The following GSE1 variants were observed in gnomAD, a reference collection of about 807,000 sequenced individuals.
The protein encoded by GSE1 is Gse1 coiled-coil protein.
GSE1 carries 32 observed loss-of-function variants against 112.6 expected under a neutral mutation model. That is an observed-to-expected ratio of 0.28 (90% CI 0.21 to 0.38). The LOEUF is 0.38. Among genes scored for constraint, GSE1 ranks in the 10% least tolerant of loss-of-function variants. The probability of loss-of-function intolerance (pLI) is 1.00; values close to 1 mark genes in which losing one functional copy is unlikely to be tolerated. For synonymous variants in GSE1, 1,115 were observed against 735.6 expected, an observed-to-expected ratio of 1.52 and a Z score of -8.35; for missense variants, 2,348 against 1,699.2, an observed-to-expected ratio of 1.38 and a Z score of -6.71.
In GSE1 at chr16:85,304,605, G is replaced by GC. The variant is rs1555557441; in HGVS notation, c.2284-52858_2284-52857insC. Among the ~76,000 whole-genome samples, 13 of 130,058 alleles carry GC rather than the reference G, an allele frequency of 1.0e-4. 1 individual carries two copies. The highest frequency in any genetic ancestry group is 2.1e-4 in the African/African-American group (7 of 32,748). 85.3% of individuals were successfully genotyped at this position (130,058 alleles called of 152,430 possible). A position where few individuals can be genotyped will look rare whatever the true frequency, so the allele number is the denominator to read the frequency against. On this transcript the variant is annotated intron_variant, in intron 1 of 2. Coordinates refer to the GSE1 transcript ENST00000637419. ...TGGCAGCTGCCAAGCCGGGGGCGGG[G>GC]GGGTGGGGCATCCCTTTTGCCTTGA... is the stretch of plus-strand genomic sequence containing the variant.
At chr16:85,185,368 C>T (rs1020576097) in intron 1 of GSE1, 1 of 152,316 alleles carries the variant, frequency 6.6e-6, no homozygotes, top group African/African-American at 2.4e-5. Flanking sequence ...GAGAGATGCT[C>T]CTTCCCAGTG....
Position 85,668,183 on chromosome 16 carries a change from C to T in GSE1, c.3174C>T (p.Asp1058=). The change falls in exon 14 of 16, where the codon GAC becomes GAT. Residue 1058 remains aspartate, a synonymous_variant. Transcript: ENST00000253458. ...CTGCAGAGCAGAACCACAAGGTTGACACGTCCGTCCACTACAACATTCCTG... is the reference window on the plus strand; with the variant it reads ...CTGCAGAGCAGAACCACAAGGTTGATACGTCCGTCCACTACAACATTCCTG... ...VLSAEQNHKV[D]TSVHYNIPEL... 2 of 1,606,390 alleles carry T rather than the reference C, an allele frequency of 1.2e-6. No homozygotes were observed. Among genetic ancestry groups the T allele is most frequent in the Non-Finnish European group, 1.7e-6 (2 of 1,174,240 alleles).
intron 1 of GSE1, among the ~76,000 whole-genome samples, chr16:85,236,349 C>T (rs1299316349): frequency 4.6e-5 from 7 of 152,224 alleles, no homozygotes; most frequent in Non-Finnish European, 8.8e-5. Flanking sequence ...TGGTCAAGTC[C>T]ACAGAGCTTC....
intron 1 of GSE1, among the ~76,000 whole-genome samples, chr16:85,206,820 A>AGGATGGAGGT (rs2075125479): frequency 6.9e-6 from 1 of 144,630 alleles, no homozygotes; most frequent in Non-Finnish European, 1.5e-5. Context: ...GCCCCCCGCC[A>AGGATGGAGGT]GCCCAGCTTC....
intron 2 of GSE1, among the ~76,000 whole-genome samples, chr16:85,370,065 G>T (rs1303450355): frequency 6.6e-6 from 1 of 152,160 alleles, no homozygotes; most frequent in African/African-American, 2.4e-5. Context: ...GGTGGTCCCT[G>T]CGCCACCCTT....
chr16:85,433,550 A>T (rs182603070), intron 2 of GSE1, among the ~76,000 whole-genome samples: 2 of 152,030 alleles, frequency 1.3e-5, no homozygotes, highest in African/African-American at 2.4e-5. Flanking sequence ...CTCTGACCAG[A>T]TGAAGGCTGT....
intron 1 of GSE1, among the ~76,000 whole-genome samples, chr16:85,600,243 T>C (rs73271216): frequency 0.042 from 6,378 of 152,160 alleles, 439 homozygotes; most frequent in African/African-American, 0.14. Context: ...TTTCCCAAGG[T>C]CACAAAGCAG....
At chr16:85,518,999 C>G (rs950139876) in intron 2 of GSE1, among the ~76,000 whole-genome samples, 3 of 152,168 alleles carry the variant, frequency 2.0e-5, no homozygotes, top group Non-Finnish European at 4.4e-5. Context: ...CCGTCTGCCT[C>G]GGTTCAGATC....
chr16:85,311,948 C>T lies in GSE1; in HGVS notation c.2284-45515C>T, dbSNP rs1029289467. On this transcript the variant is annotated intron_variant, in intron 1 of 2. Coordinates refer to the GSE1 transcript ENST00000637419. The surrounding 1 kb of genome is among the most constrained non-coding windows in gnomAD (Gnocchi z 4.2). ...CGGCCCAGCACTGCCCAGCCCCAGC[C>T]CCGCACCACTGTCCTCATGTCTGGA... 6.6e-6 allele frequency among the ~76,000 whole-genome samples: 1 copy of T among 152,178 alleles called. No individual in the cohort carries two copies. The highest frequency in any genetic ancestry group is 2.4e-5 in the African/African-American group (1 of 41,436).
intron 1 of GSE1, among the ~76,000 whole-genome samples, chr16:85,584,679 C>A (rs1169465338): frequency 6.6e-6 from 1 of 152,232 alleles, no homozygotes; most frequent in African/African-American, 2.4e-5. Context: ...GTTCCCCCTC[C>A]GTTTTATGCC....
Position 85,675,926 on chromosome 16 carries a change from T to A in GSE1, c.*3387T>A, listed in dbSNP as rs576293501. The stretch of plus-strand genomic sequence containing the variant: ...CCTAAAAAACTCCTTAACTCTGCCT[T>A]GACCTGAGGAAGACCATGCTAACTG... On this transcript the variant is annotated 3_prime_UTR_variant, in exon 16 of 16. Coordinates refer to ENST00000253458, the MANE Select transcript of GSE1 (RefSeq NM_014615.5). The A allele has an allele frequency of 6.5e-6, 1 of 152,768 alleles. No homozygotes were observed. The highest frequency in any genetic ancestry group is 6.5e-5 in the Admixed American group (1 of 15,302). 9.5% of individuals were successfully genotyped at this position (152,768 alleles called of 1,614,324 possible). A position where few individuals can be genotyped will look rare whatever the true frequency, so the allele number is the denominator to read the frequency against.
chr16:85,277,597 A>C (rs1241608605), intron 1 of GSE1, among the ~76,000 whole-genome samples: 1 of 152,188 alleles, frequency 6.6e-6, no homozygotes, highest in Non-Finnish European at 1.5e-5. Flanking sequence ...GCCTACCCAC[A>C]GGTGCCTCAT....
intron 2 of GSE1, among the ~76,000 whole-genome samples, chr16:85,648,198 C>T (rs1486341071): frequency 6.6e-6 from 1 of 152,142 alleles, no homozygotes; most frequent in South Asian, 2.1e-4. Flanking sequence ...CTACCTTCGT[C>T]TCTCACTCAG....
upstream of GSE1, among the ~76,000 whole-genome samples, chr16:85,607,773 T>A (rs2047774847): frequency 6.6e-6 from 1 of 152,224 alleles, no homozygotes; most frequent in Non-Finnish European, 1.5e-5. Context: ...AGATCTGGGT[T>A]AAATCTTAAA....
intron 1 of GSE1, among the ~76,000 whole-genome samples, chr16:85,308,235 G>A (rs1258538413): frequency 6.6e-6 from 1 of 152,186 alleles, no homozygotes; most frequent in African/African-American, 2.4e-5. Context: ...AGACCACCTA[G>A]CTGGAATCTC....
chr16:85,448,125 G>A (rs902511190), intron 2 of GSE1, among the ~76,000 whole-genome samples: 2 of 152,162 alleles, frequency 1.3e-5, no homozygotes, highest in African/African-American at 4.8e-5. Flanking sequence ...TGCCCTGCCC[G>A]CATCACCTTC....
At chr16:85,245,875 G>T (rs1905596605) in intron 1 of GSE1, among the ~76,000 whole-genome samples, 1 of 151,902 alleles carries the variant, frequency 6.6e-6, no homozygotes, top group East Asian at 1.9e-4. Flanking sequence ...CCTCCTGCGT[G>T]TGCGTGTGTG....
At chr16:85,509,347 C>CT (rs529514171) in intron 2 of GSE1, among the ~76,000 whole-genome samples, 7 of 152,176 alleles carry the variant, frequency 4.6e-5, no homozygotes, top group Non-Finnish European at 8.8e-5. Context: ...CTGAGTCTCA[C>CT]TAAGTTTCTC....
chr16:85,305,687 G>T (rs552599670), intron 1 of GSE1, among the ~76,000 whole-genome samples: 2 of 151,906 alleles, frequency 1.3e-5, no homozygotes, highest in East Asian at 3.9e-4. Context: ...TGTTGGTCAG[G>T]CTGGTTTTGA....
Sources: allele counts gnomAD v4.1 joint callset (sites outside exome capture counted in the v4.1 genomes callset), GRCh38; gene constraint gnomAD v4.1.1; non-coding constraint Gnocchi (gnomAD v3.1); transcripts MANE v1.5; gene names NCBI Gene and HGNC (gene_info 2026-07-23, HGNC 2026-07-21).